DOCK1: variants seen among roughly 807,000 people sequenced by gnomAD.
DOCK1 encodes the protein dedicator of cytokinesis 1.
DOCK1 carries 138 observed loss-of-function variants against 262.7 expected under a neutral mutation model. The ratio of observed to expected loss-of-function variants is 0.53; its 90% CI spans 0.46 to 0.61. DOCK1 has a LOEUF of 0.61. Among genes scored for constraint, DOCK1 ranks in the 20% least tolerant of loss-of-function variants. DOCK1 has a pLI of 0.00. For synonymous variants in DOCK1, 866 were observed against 867.4 expected, an observed-to-expected ratio of 1.00 and a Z score of 0.03; for missense variants, 1,908 against 2,370.7, an observed-to-expected ratio of 0.80 and a Z score of 4.05.
chr10:127,253,996 C>T (rs554765986), intron 28 of DOCK1, among the ~76,000 whole-genome samples: 16 of 152,238 alleles, frequency 1.1e-4, no homozygotes, highest in African/African-American at 3.9e-4. Context: ...CAGCCAACCC[C>T]TTTCAGTCAG....
intron 29 of DOCK1, among the ~76,000 whole-genome samples, chr10:127,287,528 GTT>G (rs1330739503): frequency 6.6e-6 from 1 of 152,054 alleles, no homozygotes; most frequent in Non-Finnish European, 1.5e-5. Context: ...TGCAATGTTT[GTT>G]CAAGTTCTGT....
At chr10:127,187,207 G>C (rs540313932) in intron 27 of DOCK1, among the ~76,000 whole-genome samples, 1 of 152,310 alleles carries the variant, frequency 6.6e-6, no homozygotes, top group East Asian at 1.9e-4. Context: ...AAATATTCCT[G>C]CGTTTGCCTC....
intron 31 of DOCK1, among the ~76,000 whole-genome samples, chr10:127,347,566 A>G (rs2063690789): frequency 6.6e-6 from 1 of 151,950 alleles, no homozygotes; most frequent in South Asian, 2.1e-4. Flanking sequence ...GTAAGGGAGC[A>G]GCTTGGAGCT....
intron 19 of DOCK1, among the ~76,000 whole-genome samples, chr10:127,039,977 G>C (rs2043911242): frequency 6.6e-6 from 1 of 152,166 alleles, no homozygotes. Context: ...TCCTTCAGGT[G>C]CTCGCCCCTG....
chr10:127,070,684 A>T (rs1412113209), intron 23 of DOCK1, among the ~76,000 whole-genome samples: 2 of 151,402 alleles, frequency 1.3e-5, no homozygotes, highest in East Asian at 3.9e-4. Context: ...AGGCACCCAC[A>T]GTCAGTTTGA....
intron 1 of DOCK1, among the ~76,000 whole-genome samples, chr10:126,907,658 C>A (rs924687293): frequency 6.6e-6 from 1 of 152,032 alleles, no homozygotes; most frequent in Non-Finnish European, 1.5e-5. Context: ...AGTTAGGATC[C>A]TATAGTGTAG....
intron 27 of DOCK1, among the ~76,000 whole-genome samples, chr10:127,207,892 G>T (rs1278161924): frequency 6.6e-6 from 1 of 152,156 alleles, no homozygotes; most frequent in African/African-American, 2.4e-5. Flanking sequence ...TAAGTTGTTG[G>T]ACAGAATTTT....
intron 1 of DOCK1, among the ~76,000 whole-genome samples, chr10:126,959,131 T>A (rs2036987195): frequency 6.6e-6 from 1 of 152,194 alleles, no homozygotes; most frequent in African/African-American, 2.4e-5. Flanking sequence ...AAGGGAAAGT[T>A]CAAGTTAAGA....
intron 30 of DOCK1, among the ~76,000 whole-genome samples, chr10:127,341,317 A>G (rs1317509485): frequency 6.6e-6 from 1 of 152,206 alleles, no homozygotes; most frequent in Non-Finnish European, 1.5e-5. Flanking sequence ...CTTTGTACCC[A>G]GCTAGCAGAG....
chr10:127,444,278 G>C lies in DOCK1; in HGVS notation c.5412G>C (p.Ser1804=). 1.2e-6 allele frequency: 2 copies of C among 1,603,008 alleles called. No homozygotes were observed. Among genetic ancestry groups the C allele is most frequent in the Non-Finnish European group, 1.7e-6 (2 of 1,175,546 alleles). The part of the protein sequence containing the change: ...PRAKLSFSMQ[S]SLELNGMTGA... ...CCAAGCTCAGCTTCAGCATGCAGTC[G>C]AGTAAGTGGAACGCTCCCCACATAC... is the stretch of plus-strand genomic sequence containing the variant. Residue 1804 remains serine (S), a splice_region_variant and synonymous_variant, in exon 50 of 52, where the codon TCG becomes TCC. Coordinates refer to ENST00000623213, the MANE Select transcript of DOCK1 (RefSeq NM_001290223.2).
intron 1 of DOCK1, among the ~76,000 whole-genome samples, chr10:126,954,450 A>G (rs1302639360): frequency 1.3e-5 from 2 of 152,196 alleles, no homozygotes; most frequent in Non-Finnish European, 2.9e-5. Flanking sequence ...AAAATTTCCC[A>G]TTTGAACCAT....
intron 4 of DOCK1, among the ~76,000 whole-genome samples, chr10:126,985,613 C>T (rs1280772992): frequency 1.3e-5 from 2 of 152,132 alleles, no homozygotes; most frequent in Non-Finnish European, 2.9e-5. Flanking sequence ...AGCACCAGTG[C>T]ACTCAACCCA....
chr10:127,318,099 T>C (rs779196075), intron 29 of DOCK1, among the ~76,000 whole-genome samples: 95 of 152,338 alleles, frequency 6.2e-4, no homozygotes, highest in Middle Eastern at 6.8e-3. Context: ...CAACTAGATA[T>C]TGATTTGCTA....
chr10:127,027,046 C>T (rs920231184), intron 16 of DOCK1, among the ~76,000 whole-genome samples: 2 of 152,214 alleles, frequency 1.3e-5, no homozygotes, highest in East Asian at 1.9e-4. Context: ...ACATGATTCC[C>T]GTCTTTCAGG....
chr10:126,962,329 T>C (rs1418308626), intron 1 of DOCK1, among the ~76,000 whole-genome samples: 1 of 152,220 alleles, frequency 6.6e-6, no homozygotes, highest in African/African-American at 2.4e-5. Context: ...CCGACTAATT[T>C]TGCATTTTTA....
intron 32 of DOCK1, among the ~76,000 whole-genome samples, chr10:127,355,243 A>AT (rs1037360952): frequency 6.6e-6 from 1 of 152,112 alleles, no homozygotes; most frequent in African/African-American, 2.4e-5. Flanking sequence ...AAATTAAGTA[A>AT]TTTTTTCCAA....
chr10:126,927,184 TGACTACCACGCCAGGTGTGTG>T (rs1340788745), intron 1 of DOCK1, among the ~76,000 whole-genome samples: 3 of 152,132 alleles, frequency 2.0e-5, no homozygotes, highest in Middle Eastern at 3.2e-3. Context: ...AGTGCGGTGG[TGACTACCACGCCAGGTGTGTG>T]ACCATGATAG....
chr10:127,291,530 G>A (rs558204868), intron 29 of DOCK1, among the ~76,000 whole-genome samples: 1 of 152,224 alleles, frequency 6.6e-6, no homozygotes, highest in Non-Finnish European at 1.5e-5. Context: ...CATGTGTTGG[G>A]AGCGCCAGCT....
intron 25 of DOCK1, among the ~76,000 whole-genome samples, chr10:127,123,029 T>C (rs549570758): frequency 6.6e-6 from 1 of 152,338 alleles, no homozygotes; most frequent in South Asian, 2.1e-4. Flanking sequence ...CCAGCTCTGC[T>C]GTTTCTGAGC....
Sources: allele counts gnomAD v4.1 joint callset (sites outside exome capture counted in the v4.1 genomes callset), GRCh38; gene constraint gnomAD v4.1.1; transcripts MANE v1.5; gene names NCBI Gene and HGNC (gene_info 2026-07-23, HGNC 2026-07-21).